Variants in EPHA5 observed in about 807,000 individuals in gnomAD.
The protein encoded by EPHA5 is EPH receptor A5.
Under a neutral mutation model 105.0 loss-of-function variants are expected in EPHA5, and 60 were observed. The observed-to-expected ratio is 0.57, with a 90% confidence interval of 0.46 to 0.71. The LOEUF is 0.71. EPHA5 is among the 30% of genes least tolerant of loss of function. The pLI is 0.00. For missense variants in EPHA5, 1,218 were observed against 1,274.7 expected (o/e 0.96, Z 0.68); for synonymous variants, 513 against 449.1 (o/e 1.14, Z -1.80).
chr4:65,527,474 G>A (rs1459788480), intron 3 of EPHA5, among the ~76,000 whole-genome samples: 2 of 152,044 alleles, frequency 1.3e-5, no homozygotes, highest in Non-Finnish European at 2.9e-5. Flanking sequence ...TCAGGATAAT[G>A]TTTACGTTTG....
intron 8 of EPHA5, among the ~76,000 whole-genome samples, chr4:65,386,997 C>A (rs576407521): frequency 6.6e-6 from 1 of 151,746 alleles, no homozygotes; most frequent in East Asian, 1.9e-4. Context: ...AGAAGCAAGA[C>A]GTCTTGGTAA....
At chr4:65,660,657 G>T (rs942604272) in intron 1 of EPHA5, among the ~76,000 whole-genome samples, 1 of 151,978 alleles carries the variant, frequency 6.6e-6, no homozygotes, top group Admixed American at 6.6e-5. Context: ...GGAATCTGAG[G>T]TGGATGGTTC....
Position 65,324,030 on chromosome 4 carries a change from T to C in EPHA5, c.*84A>G, listed in dbSNP as rs1353305466. On this transcript the variant is annotated 3_prime_UTR_variant, in exon 17 of 17. Coordinates refer to ENST00000613740, the MANE Select transcript of EPHA5 (RefSeq NM_001281766.3). ...GTTTAGAAATCACTGTTTTCCCTTT[T>C]CCCCCTTTTTTTGTTAAAATAAATC... 12 of 883,402 alleles carry C rather than the reference T, an allele frequency of 1.4e-5. No individual in the cohort carries two copies. The highest frequency in any genetic ancestry group is 2.6e-5 in the East Asian group (1 of 38,756). 54.7% of individuals were successfully genotyped at this position (883,402 alleles called of 1,614,324 possible). A position where few individuals can be genotyped will look rare whatever the true frequency, so the allele number is the denominator to read the frequency against.
intron 1 of EPHA5, among the ~76,000 whole-genome samples, chr4:65,650,238 A>C (rs1213784341): frequency 6.6e-6 from 1 of 152,064 alleles, no homozygotes; most frequent in African/African-American, 2.4e-5. Flanking sequence ...TAGTTCAACG[A>C]GTGCAATGCC....
chr4:65,554,355 C>T (rs1738203073), intron 3 of EPHA5, among the ~76,000 whole-genome samples: 1 of 150,320 alleles, frequency 6.7e-6, no homozygotes, highest in Non-Finnish European at 1.5e-5. Context: ...ATAATTTTGG[C>T]TAATCTATTT....
At chr4:65,493,318 G>A (rs578203994) in intron 4 of EPHA5, among the ~76,000 whole-genome samples, 74 of 152,078 alleles carry the variant, frequency 4.9e-4, no homozygotes, top group African/African-American at 1.7e-3. Flanking sequence ...CAGGATTTTA[G>A]GTTTTATTTT....
At chr4:65,486,368 C>T (rs367574174) in intron 5 of EPHA5, among the ~76,000 whole-genome samples, 5 of 151,810 alleles carry the variant, frequency 3.3e-5, no homozygotes, top group South Asian at 2.1e-4. Context: ...CATCCAAGTG[C>T]GTGTTACTGA....
chr4:65,337,698 G>T (rs1721317105), intron 14 of EPHA5, among the ~76,000 whole-genome samples: 1 of 152,034 alleles, frequency 6.6e-6, no homozygotes, highest in Non-Finnish European at 1.5e-5. Flanking sequence ...AGAATACCCA[G>T]ATGGCAATTT....
chr4:65,439,212 G>A (rs959995958), intron 5 of EPHA5, among the ~76,000 whole-genome samples: 1 of 152,034 alleles, frequency 6.6e-6, no homozygotes, highest in Admixed American at 6.6e-5. Flanking sequence ...TCCTAGAAGA[G>A]GCGAGAAAAC....
chr4:65,369,039 C>T (rs1301405550), intron 8 of EPHA5, among the ~76,000 whole-genome samples: 2 of 152,140 alleles, frequency 1.3e-5, no homozygotes, highest in Non-Finnish European at 2.9e-5. Context: ...GCAGCATAGT[C>T]ATTTGAGTGC....
At chr4:65,401,604 T>C (rs950983652) in intron 8 of EPHA5, among the ~76,000 whole-genome samples, 1 of 152,176 alleles carries the variant, frequency 6.6e-6, no homozygotes, top group Non-Finnish European at 1.5e-5. Flanking sequence ...TCTTTTCAAC[T>C]GCAAATTCCT....
At chr4:65,331,822 TA>T in intron 16 of EPHA5, 150 bp downstream of exon 16, 1 of 1,349,686 alleles carries the variant, frequency 7.4e-7, no homozygotes, top group Non-Finnish European at 9.5e-7. Context: ...ATGCAGTTGT[TA>T]ACAATACAGG....
chr4:65,636,918 G>A (rs577190928), intron 2 of EPHA5, among the ~76,000 whole-genome samples: 2 of 152,030 alleles, frequency 1.3e-5, no homozygotes, highest in East Asian at 1.9e-4. Context: ...AGAAGACTGA[G>A]GGAAATACAC....
intron 5 of EPHA5, among the ~76,000 whole-genome samples, chr4:65,438,315 G>T (rs998494866): frequency 1.3e-5 from 2 of 151,576 alleles, no homozygotes; most frequent in African/African-American, 4.8e-5. Flanking sequence ...CTCCCAATGT[G>T]AATTCCCTGT....
At chr4:65,458,362 G>A (rs1727811425) in intron 5 of EPHA5, among the ~76,000 whole-genome samples, 1 of 152,022 alleles carries the variant, frequency 6.6e-6, no homozygotes, top group Admixed American at 6.6e-5. Context: ...TATACAGCAT[G>A]AACTAGACCA....
chr4:65,369,943 G>A (rs367964175), intron 8 of EPHA5, among the ~76,000 whole-genome samples: 6 of 152,012 alleles, frequency 3.9e-5, no homozygotes, highest in African/African-American at 1.4e-4. Context: ...CTCCAGCCTC[G>A]GCCACAGAGC....
intron 2 of EPHA5, among the ~76,000 whole-genome samples, chr4:65,627,180 A>T (rs1746230076): frequency 6.6e-6 from 1 of 152,186 alleles, no homozygotes; most frequent in Non-Finnish European, 1.5e-5. Context: ...TATTTCTATC[A>T]CTGCATTCAG....
intron 1 of EPHA5, among the ~76,000 whole-genome samples, chr4:65,653,778 T>C (rs1748817849): frequency 6.6e-6 from 1 of 152,062 alleles, no homozygotes; most frequent in African/African-American, 2.4e-5. Flanking sequence ...AAAATAAAAG[T>C]ACTTTCATTT....
chr4:65,345,948 A>G (rs1722181710), intron 14 of EPHA5, among the ~76,000 whole-genome samples: 1 of 151,462 alleles, frequency 6.6e-6, no homozygotes, highest in African/African-American at 2.4e-5. Flanking sequence ...AATTTTTTGT[A>G]TTTTTAGTAG....
Sources: gnomAD v4.1 joint callset for allele counts (sites outside exome capture counted in the v4.1 genomes callset) on GRCh38, gnomAD v4.1.1 for gene constraint, MANE v1.5 for transcripts, NCBI Gene and HGNC (gene_info 2026-07-23, HGNC 2026-07-21) for gene names.